AOPEP: variants seen among roughly 807,000 people sequenced by gnomAD.
AOPEP encodes the protein aminopeptidase O (putative), also known as aminopeptidase O.
A neutral mutation model predicts 98.1 loss-of-function variants in AOPEP; 77 were observed. The observed-to-expected ratio is 0.78, with a 90% CI of 0.65 to 0.95. The LOEUF is 0.95. Ranked by LOEUF, AOPEP falls within the 40% of genes least tolerant of loss-of-function variation. The pLI, the probability that AOPEP is intolerant of heterozygous loss-of-function variation, is 0.00. For synonymous variants in AOPEP, 346 were observed against 365.3 expected (o/e 0.95, Z 0.60); for missense variants, 1,024 against 1,024.7 (o/e 1.00, Z 0.01).
At chr9:95,108,050 G>C in the AOPEP span, among the ~76,000 whole-genome samples, 1 of 152,204 alleles carries the variant, frequency 6.6e-6, no homozygotes, top group Non-Finnish European at 1.5e-5. Flanking sequence ...CATGGAACTC[G>C]TGAACAGCTA....
intron 5 of AOPEP, among the ~76,000 whole-genome samples, chr9:94,892,277 G>C (rs1401455451): frequency 6.6e-6 from 1 of 152,086 alleles, no homozygotes; most frequent in African/African-American, 2.4e-5. Context: ...CTCTTTCTGA[G>C]ACCTTTATGA....
At chr9:94,922,129 C>G (rs967029060) in intron 5 of AOPEP, among the ~76,000 whole-genome samples, 6 of 152,204 alleles carry the variant, frequency 3.9e-5, no homozygotes, top group Admixed American at 3.9e-4. Flanking sequence ...CCACCCTCCC[C>G]ACAGCTGCTT....
At chr9:94,884,807 C>T (rs2048003461) in intron 5 of AOPEP, among the ~76,000 whole-genome samples, 2 of 146,368 alleles carry the variant, frequency 1.4e-5, no homozygotes, top group African/African-American at 2.6e-5. Flanking sequence ...GTCAGGAGAT[C>T]GAGACCATCC....
chr9:94,905,150 C>T (rs2136308820), intron 5 of AOPEP, among the ~76,000 whole-genome samples: 1 of 152,276 alleles, frequency 6.6e-6, no homozygotes, highest in South Asian at 2.1e-4. Flanking sequence ...AAAGGGATGG[C>T]TTGTGTAGCT....
intron 5 of AOPEP, among the ~76,000 whole-genome samples, chr9:94,809,603 C>G (rs1358068737): frequency 6.6e-6 from 1 of 152,246 alleles, no homozygotes; most frequent in Non-Finnish European, 1.5e-5. Context: ...TGAGGAAGCA[C>G]AGGTCCTGCC....
At chr9:94,836,308 G>C (rs554177654) in intron 5 of AOPEP, among the ~76,000 whole-genome samples, 1 of 152,246 alleles carries the variant, frequency 6.6e-6, no homozygotes, top group East Asian at 1.9e-4. Flanking sequence ...TAGCAAATTG[G>C]CTTTATAATA....
At chr9:94,830,406 G>A (rs10821401) in intron 5 of AOPEP, among the ~76,000 whole-genome samples, 48,814 of 152,146 alleles carry the variant, frequency 0.32, 8,720 homozygotes, top group Non-Finnish European at 0.42. Context: ...ATTCCATGGT[G>A]TATATGTACC....
intron 4 of AOPEP, among the ~76,000 whole-genome samples, chr9:94,797,831 T>G (rs1847352554): frequency 6.6e-6 from 1 of 151,826 alleles, no homozygotes. Flanking sequence ...GTCTCCCAAG[T>G]AGCTGGGATT....
chr9:94,798,310 C>T (rs1261452166), intron 4 of AOPEP, among the ~76,000 whole-genome samples: 1 of 152,200 alleles, frequency 6.6e-6, no homozygotes, highest in African/African-American at 2.4e-5. Context: ...CTAATTCACA[C>T]AACTAGAATC....
chr9:95,125,101 C>T, the AOPEP span: 1 of 1,614,090 alleles, frequency 6.2e-7, no homozygotes, highest in Non-Finnish European at 8.5e-7. Context: ...TGCTTGCTTT[C>T]TCCAGAGCTT....
intron 10 of AOPEP, among the ~76,000 whole-genome samples, chr9:94,977,684 G>A (rs60856972): frequency 0.012 from 1,793 of 152,160 alleles, 34 homozygotes; most frequent in African/African-American, 0.041. Flanking sequence ...GGCCATTTGC[G>A]CTGAAGCTGA....
At chr9:94,990,570 A>G (rs2060828894) in intron 11 of AOPEP, among the ~76,000 whole-genome samples, 1 of 152,228 alleles carries the variant, frequency 6.6e-6, no homozygotes, top group Non-Finnish European at 1.5e-5. Flanking sequence ...TAGGCTAAAG[A>G]CATACTCTGG....
intron 5 of AOPEP, among the ~76,000 whole-genome samples, chr9:94,917,146 C>T (rs920873268): frequency 3.3e-5 from 5 of 152,254 alleles, no homozygotes; most frequent in Admixed American, 6.5e-5. Flanking sequence ...TGCCCTGTTC[C>T]GTATGCAGGG....
chr9:94,788,289 G>A (rs1214962544), intron 3 of AOPEP, among the ~76,000 whole-genome samples: 2 of 152,056 alleles, frequency 1.3e-5, no homozygotes, highest in African/African-American at 4.8e-5. Context: ...GTGTTGCCCA[G>A]GCTGGTCTTG....
intron 7 of AOPEP, among the ~76,000 whole-genome samples, chr9:94,936,705 T>C (rs554406670): frequency 1.1e-4 from 17 of 152,182 alleles, no homozygotes; most frequent in Non-Finnish European, 2.4e-4. Flanking sequence ...GGGTGAGGGC[T>C]CAGTCCCACA....
intron 9 of AOPEP, among the ~76,000 whole-genome samples, chr9:94,967,329 C>G (rs971064630): frequency 2.0e-5 from 3 of 152,110 alleles, no homozygotes; most frequent in African/African-American, 7.2e-5. Flanking sequence ...TGATATTTAT[C>G]TTTACCATTT....
the AOPEP span, among the ~76,000 whole-genome samples, chr9:95,113,161 C>T: frequency 5.3e-5 from 8 of 152,282 alleles, no homozygotes; most frequent in East Asian, 1.5e-3. Flanking sequence ...CCCGCAGCCT[C>T]CATTGGCTGC....
the AOPEP span, among the ~76,000 whole-genome samples, chr9:95,145,714 G>A: frequency 2.6e-5 from 4 of 152,100 alleles, no homozygotes; most frequent in Non-Finnish European, 5.9e-5. Context: ...AGAACAGAAG[G>A]TAACAAAACA....
chr9:95,146,011 G>C, the AOPEP span, among the ~76,000 whole-genome samples: 1 of 151,800 alleles, frequency 6.6e-6, no homozygotes. Context: ...CCAACTGGAA[G>C]AAAAATTCTA....
Sources: gnomAD v4.1 joint callset for allele counts (sites outside exome capture counted in the v4.1 genomes callset) on GRCh38, gnomAD v4.1.1 for gene constraint, MANE v1.5 for transcripts, NCBI Gene and HGNC (gene_info 2026-07-23, HGNC 2026-07-21) for gene names.